The following EGR2 variants were observed in gnomAD, a reference collection of about 807,000 sequenced individuals.
EGR2 encodes the protein early growth response 2.
EGR2 carries 2 observed loss-of-function variants against 21.2 expected under a neutral mutation model. The observed-to-expected ratio is 0.09, with a 90% confidence interval of 0.04 to 0.30. The LOEUF (loss-of-function observed/expected upper bound fraction) is 0.30, where lower values mean the gene tolerates loss of function less well. Ranked by LOEUF, EGR2 falls within the 10% of genes least tolerant of loss-of-function variation. The probability of loss-of-function intolerance (pLI) is 1.00; values close to 1 mark genes in which losing one functional copy is unlikely to be tolerated. For missense variants in EGR2, 458 were observed against 630.2 expected (o/e 0.73, Z 2.93); for synonymous variants, 282 against 258.2 (o/e 1.09, Z -0.88).
chr10:62,814,102 C>G lies in EGR2; in HGVS notation c.536G>C (p.Gly179Ala), dbSNP rs766849667. ...CGCAGAAGGGTCCTGGTAGAGGTCT[C>G]CTGCACAGCCAGAATAAGGAGGAGG... ...PPPPPYSGCA[G>A]DLYQDPSAFL... Residue 179 changes from glycine to alanine, a missense_variant, in exon 2 of 2, where the codon GGA becomes GCA. By Grantham distance (60) the Gly-to-Ala change is moderately conservative. Around this residue, in one of 5 missense-constraint regions of EGR2, gnomAD observed 253 missense variants for 315.5 expected, o/e 0.80. Transcript: ENST00000242480. The surrounding 1 kb of genome is among the most constrained non-coding windows in gnomAD (Gnocchi z 4.8). 1.2e-6 allele frequency: 2 copies of G among 1,613,828 alleles called. No homozygotes were observed. The highest frequency in any genetic ancestry group is 2.2e-5 in the East Asian group (1 of 44,868).
chr10:62,818,182 T>G (rs1185721766), upstream of EGR2, among the ~76,000 whole-genome samples: 1 of 151,974 alleles, frequency 6.6e-6, no homozygotes, highest in African/African-American at 2.4e-5. Flanking sequence ...CCTCGACCGC[T>G]GCAGCCGTGC....
At chr10:62,818,208 G>A (rs898976669), upstream of EGR2, among the ~76,000 whole-genome samples, 15 of 152,120 alleles carry the variant, frequency 9.9e-5, no homozygotes, top group African/African-American at 3.6e-4. Context: ...CTCTCGCCGG[G>A]CCCAGCGCAC....
chr10:62,817,221 C>G (rs1443909767), upstream of EGR2, among the ~76,000 whole-genome samples: 1 of 152,108 alleles, frequency 6.6e-6, no homozygotes, highest in South Asian at 2.1e-4. The surrounding 1 kb of genome is among the most constrained non-coding windows in gnomAD (Gnocchi z 4.4). Flanking sequence ...GGCGCCCTTC[C>G]CGGCGCGTCT....
chr10:62,812,941 T>C lies in EGR2; in HGVS notation c.*266A>G, dbSNP rs565262897. ...AAGCAGGGTCAGACCTCAGCCCTCTTGGCCAGGGGTCCCCACACCACCTCC... is the reference window on the plus strand; with the variant it reads ...AAGCAGGGTCAGACCTCAGCCCTCTCGGCCAGGGGTCCCCACACCACCTCC... On this transcript the variant is annotated 3_prime_UTR_variant, in exon 2 of 2. Transcript: ENST00000242480. 2.6e-6 allele frequency: 1 copy of C among 382,134 alleles called. No individual in the cohort carries two copies. Among genetic ancestry groups the C allele is most frequent in the East Asian group, 3.9e-5 (1 of 25,640 alleles). 23.7% of individuals were successfully genotyped at this position (382,134 alleles called of 1,614,324 possible).
rs1207547822 is a variant in EGR2 at position 62,812,265 on chromosome 10, A to G, written c.*942T>C. 1 of 48,888 alleles carries G rather than the reference A, an allele frequency of 2.0e-5. No homozygotes were observed. The highest frequency in any genetic ancestry group is 8.3e-5 in the African/African-American group (1 of 12,066). 3.0% of individuals were successfully genotyped at this position (48,888 alleles called of 1,614,324 possible). A position where few individuals can be genotyped will look rare whatever the true frequency, so the allele number is the denominator to read the frequency against. On this transcript the variant is annotated 3_prime_UTR_variant, in exon 2 of 2. Coordinates refer to ENST00000242480, the MANE Select transcript of EGR2 (RefSeq NM_000399.5). ...AGGCAGAAATATACAGCCATACTAAACTCAGGGAGTGATTTTTTTTCTCCA... is the reference window on the plus strand; with the variant it reads ...AGGCAGAAATATACAGCCATACTAAGCTCAGGGAGTGATTTTTTTTCTCCA...
chr10:62,815,275 C>T (rs537296680), intron 1 of EGR2, among the ~76,000 whole-genome samples: 1 of 152,336 alleles, frequency 6.6e-6, no homozygotes, highest in South Asian at 2.1e-4. Flanking sequence ...CCCTCCTCCA[C>T]CACCCACTCG....
At chr10:62,815,568 G>A (rs1842243925) in intron 1 of EGR2, among the ~76,000 whole-genome samples, 1 of 152,222 alleles carries the variant, frequency 6.6e-6, no homozygotes, top group Non-Finnish European at 1.5e-5. Flanking sequence ...GCCTACGCAA[G>A]CCTCGAAACC....
At chr10:62,817,913 A>G (rs1026722012), upstream of EGR2, among the ~76,000 whole-genome samples, 10 of 152,332 alleles carry the variant, frequency 6.6e-5, no homozygotes, top group Middle Eastern at 0.01. The surrounding 1 kb of genome is among the most constrained non-coding windows in gnomAD (Gnocchi z 4.4). Flanking sequence ...CCGGGTGCCC[A>G]AGTCCAGCGC....
Position 62,814,507 on chromosome 10 carries a change from AAATAC to A in EGR2, c.170-44_170-40del. 1 of 1,595,686 alleles carries A rather than the reference AAATAC, an allele frequency of 6.3e-7. No homozygotes were observed. The highest frequency in any genetic ancestry group is 8.6e-7 in the Non-Finnish European group (1 of 1,163,804). Reference sequence around the variant, plus strand: ...AGGCAGAATGGAGGTGGAACAATGAAAATACAGCCAGGACTCCCTTCTCACCCCCG... The same window carrying A: ...AGGCAGAATGGAGGTGGAACAATGAAAGCCAGGACTCCCTTCTCACCCCCG... On this transcript the variant is annotated intron_variant, in intron 1 of 1. Coordinates refer to ENST00000242480, the MANE Select transcript of EGR2 (RefSeq NM_000399.5). This position sits in a 1 kb window ranked among gnomAD's most constrained non-coding sequence, Gnocchi z 4.8.
upstream of EGR2, among the ~76,000 whole-genome samples, chr10:62,818,839 G>A (rs1378766260): frequency 3.3e-5 from 5 of 152,054 alleles, no homozygotes; most frequent in Non-Finnish European, 7.4e-5. Context: ...TGCCCGGGCC[G>A]CCCCGCGACT....
At position 62,813,615 on chromosome 10, in the gene EGR2, C is replaced by G. The variant is rs542854133; in HGVS notation, c.1023G>C (p.Pro341=). 4.3e-6 allele frequency: 7 copies of G among 1,612,924 alleles called. No individual in the cohort carries two copies. In the South Asian group the frequency reaches 7.7e-5, roughly 18 times the overall value. ...GCCGGTCGCAGCCTTCTGCTGGGCA[C>G]GGGTAGGGCCTCTCGTGCACCGGCG... is the stretch of plus-strand genomic sequence containing the variant. ...SKTPVHERPY[P]CPAEGCDRRF... is the part of the protein sequence containing the mutation. The change falls in exon 2 of 2, where the codon CCG becomes CCC. Residue 341 remains proline, a synonymous_variant. Transcript: ENST00000242480. The surrounding 1 kb of genome is among the most constrained non-coding windows in gnomAD (Gnocchi z 5.7).
chr10:62,818,513 A>G, upstream of EGR2: 1 of 1,172,470 alleles, frequency 8.5e-7, no homozygotes. Flanking sequence ...AAGAAAAGAA[A>G]AGCAAGAAAA....
upstream of EGR2, among the ~76,000 whole-genome samples, chr10:62,818,059 C>A (rs1418620202): frequency 6.6e-6 from 1 of 152,258 alleles, no homozygotes; most frequent in African/African-American, 2.4e-5. Flanking sequence ...GTCCCTTTTT[C>A]ACCCCGGGCC....
Position 62,816,154 on chromosome 10 carries a change from A to T in EGR2, c.-125T>A, listed in dbSNP as rs1208894973. ...CTTTTGCCCTCCACACTTAAAAACA[A>T]CCACCACACACACCAAGAAAAAAAA... On this transcript the variant is annotated 5_prime_UTR_variant, in exon 1 of 2. The change creates a new upstream start codon in the 5' untranslated region. Transcript: ENST00000242480. The T allele has an allele frequency of 1.9e-6, 3 of 1,588,846 alleles. No individual in the cohort carries two copies. In the African/African-American group the frequency reaches 4.0e-5, roughly 21 times the overall value.
Position 62,814,103 on chromosome 10 carries a change from C to T in EGR2, c.535G>A (p.Gly179Arg), listed in dbSNP as rs1314006597. Residue 179 changes from glycine to arginine, a missense_variant, in exon 2 of 2, where the codon GGA (glycine) becomes AGA (arginine). Coordinates refer to ENST00000242480, the MANE Select transcript of EGR2 (RefSeq NM_000399.5). The surrounding 1 kb of genome is among the most constrained non-coding windows in gnomAD (Gnocchi z 4.8). ...GCAGAAGGGTCCTGGTAGAGGTCTC[C>T]TGCACAGCCAGAATAAGGAGGAGGA... ...PPPPPYSGCAGDLYQDPSAFL... is the reference protein window; with the variant it reads ...PPPPPYSGCARDLYQDPSAFL... 5 of 1,613,734 alleles carry T rather than the reference C, an allele frequency of 3.1e-6. No individual in the cohort carries two copies. Among genetic ancestry groups the T allele is most frequent in the Admixed American group, 3.3e-5 (2 of 60,000 alleles).
At chr10:62,818,834 G>C (rs907663037), upstream of EGR2, among the ~76,000 whole-genome samples, 1 of 152,064 alleles carries the variant, frequency 6.6e-6, no homozygotes, top group South Asian at 2.1e-4. Context: ...CGAGTTGCCC[G>C]GGCCGCCCCG....
Position 62,814,227 on chromosome 10 carries a change from G to A in EGR2, c.411C>T (p.Thr137=). The A allele has an allele frequency of 1.2e-6, 2 of 1,614,172 alleles. No homozygotes were observed. Among genetic ancestry groups the A allele is most frequent in the Middle Eastern group, 1.6e-4 (1 of 6,062 alleles). The change falls in exon 2 of 2, where the codon ACC becomes ACT. Residue 137 remains threonine, a synonymous_variant. Coordinates refer to ENST00000242480, the MANE Select transcript of EGR2 (RefSeq NM_000399.5). This position sits in a 1 kb window ranked among gnomAD's most constrained non-coding sequence, Gnocchi z 4.8. ...TGGCCAGTGGGTTGGGGGAGGCAGA[G>A]GTGACGCTGGATGAGGCTGTGGTTG... is the stretch of plus-strand genomic sequence containing the variant. The part of the protein sequence containing the change: ...PASTTASSSV[T]SASPNPLATG...
In EGR2 at chr10:62,813,919, C is replaced by A. The variant is rs775326892; in HGVS notation, c.719G>T (p.Gly240Val). The A allele has an allele frequency of 2.2e-5, 35 of 1,613,984 alleles. No individual in the cohort carries two copies. In the Admixed American group the frequency reaches 2.3e-4, roughly 11 times the overall value. ...FPSQCQRDLH[G>V]TAGPDRKPFP... The stretch of plus-strand genomic sequence containing the variant: ...GGGCTTACGGTCTGGGCCAGCTGTA[C>A]CATGTAGGTCTCTCTGGCACTGAGA... Residue 240 changes from glycine (G) to valine (V), a missense_variant, in exon 2 of 2, where the codon GGT becomes GTT. Physicochemically the swap from Gly to Val is moderately radical, Grantham distance 109 (BLOSUM62 -3). Coordinates refer to ENST00000242480, the MANE Select transcript of EGR2 (RefSeq NM_000399.5). The surrounding 1 kb of genome is among the most constrained non-coding windows in gnomAD (Gnocchi z 5.7).
At position 62,816,226 on chromosome 10, in the gene EGR2, T is replaced by C; in HGVS notation, c.-197A>G. On this transcript the variant is annotated 5_prime_UTR_variant, in exon 1 of 2. Coordinates refer to ENST00000242480, the MANE Select transcript of EGR2 (RefSeq NM_000399.5). Reference sequence around the variant, plus strand: ...AAACAAGTTGCTGTTTTTTAAGAAATAAGAAAAATGTCTATTTGCCACTGA... The same window carrying C: ...AAACAAGTTGCTGTTTTTTAAGAAACAAGAAAAATGTCTATTTGCCACTGA... The C allele has an allele frequency of 1.4e-6, 2 of 1,464,290 alleles. No homozygotes were observed. The highest frequency in any genetic ancestry group is 4.9e-5 in the Admixed American group (2 of 40,782). 90.7% of individuals were successfully genotyped at this position (1,464,290 alleles called of 1,614,324 possible). A position where few individuals can be genotyped will look rare whatever the true frequency, so the allele number is the denominator to read the frequency against.
Sources: allele counts gnomAD v4.1 joint callset (sites outside exome capture counted in the v4.1 genomes callset), GRCh38; gene constraint gnomAD v4.1.1; regional missense constraint gnomAD v4.1.1; non-coding constraint Gnocchi (gnomAD v3.1); transcripts MANE v1.5; gene names NCBI Gene and HGNC (gene_info 2026-07-23, HGNC 2026-07-21).